TTC7B: variants seen among roughly 807,000 people sequenced by gnomAD.
TTC7B encodes the protein tetratricopeptide repeat domain 7B, also known as tetratricopeptide repeat protein 7B.
Under a neutral mutation model 106.8 loss-of-function variants are expected in TTC7B, and 28 were observed. That is an observed-to-expected ratio of 0.26 (90% CI 0.19 to 0.36). The LOEUF (loss-of-function observed/expected upper bound fraction) is 0.36, where lower values mean the gene tolerates loss of function less well. Ranked by LOEUF, TTC7B falls within the 10% of genes least tolerant of loss-of-function variation. The pLI is 1.00. For missense variants in TTC7B, 862 were observed against 1,076.4 expected (o/e 0.80, Z 2.79); for synonymous variants, 405 against 430.6 (o/e 0.94, Z 0.74).
Position 90,657,376 on chromosome 14 carries a change from C to T in TTC7B, c.1237-98G>A, listed in dbSNP as rs1885994308. 7 of 1,160,290 alleles carry T rather than the reference C, an allele frequency of 6.0e-6. No individual in the cohort carries two copies. In the South Asian group the frequency reaches 7.3e-5, roughly 12 times the overall value. 71.9% of individuals were successfully genotyped at this position (1,160,290 alleles called of 1,614,324 possible). ...GGGTTTTTGGTCAGGGTGACCTCCT[C>T]GTGGGCTTGTCCAACTTTAAGCCCA... On this transcript the variant is annotated intron_variant, in intron 10 of 19. Transcript: ENST00000328459. The surrounding 1 kb of genome is among the most constrained non-coding windows in gnomAD (Gnocchi z 4.2).
In TTC7B at chr14:90,541,515, C is replaced by A. The variant is rs142524402; in HGVS notation, c.2385G>T (p.Ser795=). Residue 795 remains serine, a synonymous_variant, in exon 20 of 20, where the codon TCG becomes TCT. Transcript: ENST00000328459. ...GCCCGTTCCAGACCTCGTGGGCTGT[C>A]GAGTTCACCTGCACCGCGTCCCGGA... ...KILRDAVQVN[S]TAHEVWNGLG... The A allele has an allele frequency of 2.2e-5, 36 of 1,613,814 alleles. No individual in the cohort carries two copies. The African/African-American group carries it at 4.5e-4, about 20-fold the overall frequency.
At chr14:90,784,626 G>A (rs1396343978) in intron 2 of TTC7B, among the ~76,000 whole-genome samples, 3 of 152,158 alleles carry the variant, frequency 2.0e-5, no homozygotes, top group Admixed American at 2.0e-4. Flanking sequence ...GGCTGGTATT[G>A]AACTCCTGGC....
At position 90,799,825 on chromosome 14, in the gene TTC7B, G is replaced by GT. The variant is rs934608886; in HGVS notation, c.122-13498dup. Reference sequence around the variant, plus strand: ...AGGGAGATGAAATGCTCTGATTTAAGTTTTTTTTGTTTGTTTTTTTTTGAG... The same window carrying GT: ...AGGGAGATGAAATGCTCTGATTTAAGTTTTTTTTTGTTTGTTTTTTTTTGAG... On this transcript the variant is annotated intron_variant, in intron 1 of 19. Coordinates refer to ENST00000328459, the MANE Select transcript of TTC7B (RefSeq NM_001010854.2). Among the ~76,000 whole-genome samples, 11 of 151,834 alleles carry GT rather than the reference G, an allele frequency of 7.2e-5. No homozygotes were observed. In the East Asian group the frequency reaches 1.7e-3, roughly 24 times the overall value.
At chr14:90,634,178 ATTG>A (rs1884827334) in intron 15 of TTC7B, among the ~76,000 whole-genome samples, 1 of 152,100 alleles carries the variant, frequency 6.6e-6, no homozygotes, top group African/African-American at 2.4e-5. Context: ...CGCCTGGCCC[ATTG>A]TTAATTTTTC....
chr14:90,762,805 A>G (rs1441026038), intron 3 of TTC7B, among the ~76,000 whole-genome samples: 1 of 152,236 alleles, frequency 6.6e-6, no homozygotes, highest in Non-Finnish European at 1.5e-5. Flanking sequence ...CCAAGAGGCT[A>G]AGGGCTCCAA....
At chr14:90,793,401 G>A (rs763689811) in intron 1 of TTC7B, among the ~76,000 whole-genome samples, 1 of 151,608 alleles carries the variant, frequency 6.6e-6, no homozygotes, top group African/African-American at 2.4e-5. Flanking sequence ...GCAGGTGCCT[G>A]TAATCCCAGC....
rs116861503 is a variant in TTC7B at position 90,535,074 on chromosome 14, G to A, written c.*6294C>T. ...GCATGGAGGATAACGGGAGGCCTTGGTTCCCTCCTTTCCCCACCGAGGGAG... is the reference window on the plus strand; with the variant it reads ...GCATGGAGGATAACGGGAGGCCTTGATTCCCTCCTTTCCCCACCGAGGGAG... On this transcript the variant is annotated 3_prime_UTR_variant, in exon 20 of 20. Coordinates refer to ENST00000328459, the MANE Select transcript of TTC7B (RefSeq NM_001010854.2). 1,221 of 152,534 alleles carry A rather than the reference G, an allele frequency of 8.0e-3. 7 individuals are homozygous for A. The highest frequency in any genetic ancestry group is 0.014 in the Non-Finnish European group (926 of 68,222). 9.4% of individuals were successfully genotyped at this position (152,534 alleles called of 1,614,324 possible).
intron 6 of TTC7B, among the ~76,000 whole-genome samples, chr14:90,695,071 ATATAT>A (rs1887671390): frequency 9.2e-6 from 1 of 108,758 alleles, no homozygotes; most frequent in Non-Finnish European, 1.9e-5. Context: ...TTATTATAAA[ATATAT>A]TTTATTTTAT....
At chr14:90,597,671 A>AAAC (rs914537913) in intron 17 of TTC7B, among the ~76,000 whole-genome samples, 2 of 152,038 alleles carry the variant, frequency 1.3e-5, no homozygotes, top group Non-Finnish European at 1.5e-5. Context: ...AAAAAAAACA[A>AAAC]AACAACAACA....
chr14:90,682,359 C>A lies in TTC7B; in HGVS notation c.951-1824G>T, dbSNP rs1197354213. ...CTTCCTCTACCCTCCCTATTTGTGGCAGGCAAGGTGGGTACTCAGGAGCAC... is the reference window on the plus strand; with the variant it reads ...CTTCCTCTACCCTCCCTATTTGTGGAAGGCAAGGTGGGTACTCAGGAGCAC... On this transcript the variant is annotated intron_variant, in intron 7 of 19. Coordinates refer to ENST00000328459, the MANE Select transcript of TTC7B (RefSeq NM_001010854.2). Among the ~76,000 whole-genome samples, 3 of 152,186 alleles carry A rather than the reference C, an allele frequency of 2.0e-5. No individual in the cohort carries two copies. The East Asian group carries it at 5.8e-4, about 29-fold the overall frequency.
At chr14:90,584,683 C>T (rs1272955970) in intron 18 of TTC7B, among the ~76,000 whole-genome samples, 6 of 151,750 alleles carry the variant, frequency 4.0e-5, no homozygotes, top group Non-Finnish European at 7.4e-5. Context: ...AGAAACGTGA[C>T]GGAAAGGACG....
intron 4 of TTC7B, 71 bp from the exon 5 acceptor site, chr14:90,730,267 A>G: frequency 6.5e-7 from 1 of 1,529,924 alleles, no homozygotes; most frequent in Non-Finnish European, 8.7e-7. Context: ...CCCTATCTCT[A>G]AATGTACTGC....
intron 19 of TTC7B, among the ~76,000 whole-genome samples, chr14:90,568,620 G>A (rs867405361): frequency 2.0e-5 from 3 of 152,200 alleles, no homozygotes; most frequent in South Asian, 2.1e-4. Flanking sequence ...TTTAGTCCTC[G>A]GTGAGGACAG....
At chr14:90,729,586 T>A (rs1007440092) in intron 5 of TTC7B, among the ~76,000 whole-genome samples, 6 of 152,246 alleles carry the variant, frequency 3.9e-5, no homozygotes, top group Non-Finnish European at 5.9e-5. Flanking sequence ...CTCCCGTTCA[T>A]GTCCTTCAAC....
chr14:90,766,874 A>T, intron 3 of TTC7B: 1 of 1,596,688 alleles, frequency 6.3e-7, no homozygotes, highest in East Asian at 2.2e-5. Flanking sequence ...GAGCGACTGA[A>T]GAAGATTCGG....
chr14:90,777,252 T>A (rs1891061818), intron 3 of TTC7B, among the ~76,000 whole-genome samples: 1 of 152,082 alleles, frequency 6.6e-6, no homozygotes, highest in African/African-American at 2.4e-5. Context: ...TATTTTTATT[T>A]TTTTTTAAAA....
rs531606734 is a variant in TTC7B, at chr14:90,567,275, G to A, written c.2310+10831C>T. Among the ~76,000 whole-genome samples the A allele has an allele frequency of 5.9e-5, 9 of 152,338 alleles. No homozygotes were observed. In the East Asian group the frequency reaches 1.5e-3, roughly 26 times the overall value. On this transcript the variant is annotated intron_variant, in intron 19 of 19. Coordinates refer to ENST00000328459, the MANE Select transcript of TTC7B (RefSeq NM_001010854.2). Reference sequence around the variant, plus strand: ...CTGTATCCAAATGAGCTCGTCTATCGACGCTGAGGCTGGCAACTCAGGCAC... The same window carrying A: ...CTGTATCCAAATGAGCTCGTCTATCAACGCTGAGGCTGGCAACTCAGGCAC...
At chr14:90,692,708 T>C (rs1198794908) in intron 6 of TTC7B, among the ~76,000 whole-genome samples, 1 of 152,184 alleles carries the variant, frequency 6.6e-6, no homozygotes, top group Non-Finnish European at 1.5e-5. Flanking sequence ...TATTGACCAG[T>C]TGGGAAGTTT....
At chr14:90,599,628 GCACCCA>G (rs1164217192) in intron 17 of TTC7B, among the ~76,000 whole-genome samples, 13 of 152,174 alleles carry the variant, frequency 8.5e-5, no homozygotes, top group Non-Finnish European at 1.6e-4. Flanking sequence ...TCTCTGTTTG[GCACCCA>G]CATTCTTTCT....
Sources: allele counts gnomAD v4.1 joint callset (sites outside exome capture counted in the v4.1 genomes callset), GRCh38; gene constraint gnomAD v4.1.1; non-coding constraint Gnocchi (gnomAD v3.1); transcripts MANE v1.5; gene names NCBI Gene and HGNC (gene_info 2026-07-23, HGNC 2026-07-21).